Variants in RIMBP2 observed in about 807,000 individuals in gnomAD.
RIMBP2 encodes the protein RIMS-binding protein 2.
A neutral mutation model predicts 118.6 loss-of-function variants in RIMBP2; 48 were observed. That is an observed-to-expected ratio of 0.40 (90% confidence interval 0.32 to 0.51). RIMBP2 has a LOEUF of 0.51. RIMBP2 is among the 20% of genes least tolerant of loss of function. RIMBP2 has a pLI of 0.41. For missense variants in RIMBP2, 1,551 were observed against 1,768.3 expected (o/e 0.88, Z 2.20); for synonymous variants, 762 against 742.9 (o/e 1.03, Z -0.42).
chr12:130,431,286 G>A lies in RIMBP2; in HGVS notation c.2254-2949C>T, dbSNP rs949746397. 2.0e-5 allele frequency among the ~76,000 whole-genome samples: 3 copies of A among 152,122 alleles called. No homozygotes were observed. Among genetic ancestry groups the A allele is most frequent in the African/African-American group, 7.2e-5 (3 of 41,420 alleles). Reference sequence around the variant, plus strand: ...GAACATCGGTGTCTTGGAGCAGATGGGATAGCGCCAGGGGGTAAGGGCTCA... The same window carrying A: ...GAACATCGGTGTCTTGGAGCAGATGAGATAGCGCCAGGGGGTAAGGGCTCA... On this transcript the variant is annotated intron_variant, in intron 14 of 22. Coordinates refer to ENST00000690449, the MANE Select transcript of RIMBP2 (RefSeq NM_001393629.1). This position sits in a 1 kb window ranked among gnomAD's most constrained non-coding sequence, Gnocchi z 4.0.
At chr12:130,641,533 G>A (rs1181222700) in intron 1 of RIMBP2, among the ~76,000 whole-genome samples, 1 of 152,198 alleles carries the variant, frequency 6.6e-6, no homozygotes, top group Non-Finnish European at 1.5e-5. Flanking sequence ...TTAGGATGGT[G>A]ACTGCAGCGC....
intron 4 of RIMBP2, among the ~76,000 whole-genome samples, chr12:130,498,671 G>A (rs908305919): frequency 4.1e-5 from 6 of 146,684 alleles, no homozygotes; most frequent in African/African-American, 7.5e-5. Flanking sequence ...CAGGAAATCC[G>A]AGCTAGCCTG....
intron 2 of RIMBP2, among the ~76,000 whole-genome samples, chr12:130,572,990 G>A (rs1315743209): frequency 6.6e-5 from 10 of 152,132 alleles, no homozygotes; most frequent in Non-Finnish European, 1.5e-4. Flanking sequence ...GCAGCTGCGA[G>A]TGACGAAGCC....
intron 7 of RIMBP2, among the ~76,000 whole-genome samples, chr12:130,451,692 T>C (rs1177609607): frequency 6.6e-6 from 1 of 151,546 alleles, no homozygotes; most frequent in Non-Finnish European, 1.5e-5. Context: ...GCCGCAAACC[T>C]CCTGCACCTG....
intron 2 of RIMBP2, among the ~76,000 whole-genome samples, chr12:130,564,051 CCTCTCTCTGTCCCCTCT>C (rs2139942736): frequency 7.0e-6 from 1 of 143,380 alleles, no homozygotes; most frequent in East Asian, 2.2e-4. Flanking sequence ...GGCCCTTGCA[CCTCTCTCTGTCCCCTCT>C]TCCTCTTCTC....
intron 2 of RIMBP2, among the ~76,000 whole-genome samples, chr12:130,616,114 C>G (rs1022196253): frequency 6.6e-6 from 1 of 152,132 alleles, no homozygotes; most frequent in Non-Finnish European, 1.5e-5. Flanking sequence ...GAAGGGATGT[C>G]TGATGTTACA....
chr12:130,599,027 T>C lies in RIMBP2; in HGVS notation c.-217+29295A>G, dbSNP rs76458969. On this transcript the variant is annotated intron_variant, in intron 2 of 22. Transcript: ENST00000690449. The stretch of plus-strand genomic sequence containing the variant: ...AAGTTACAACTGATTTTAACAAAGA[T>C]GCAAAGAGAATTTGATGGAGAAAGA... Among the ~76,000 whole-genome samples the C allele has an allele frequency of 6.3e-3, 958 of 152,268 alleles. 12 individuals carry two copies. Among genetic ancestry groups the C allele is most frequent in the African/African-American group, 0.022 (908 of 41,546 alleles).
chr12:130,648,010 C>T (rs937305949), intron 1 of RIMBP2, among the ~76,000 whole-genome samples: 1 of 146,492 alleles, frequency 6.8e-6, no homozygotes, highest in Non-Finnish European at 1.5e-5. Context: ...CACACGTGTG[C>T]ACACACATGT....
intron 6 of RIMBP2, among the ~76,000 whole-genome samples, chr12:130,463,366 C>T (rs996417998): frequency 8.5e-5 from 13 of 152,162 alleles, no homozygotes; most frequent in African/African-American, 2.4e-4. Context: ...CAACTGAGTC[C>T]GGACCAGGCA....
At chr12:130,433,652 G>A (rs760834725) in intron 14 of RIMBP2, among the ~76,000 whole-genome samples, 2 of 152,182 alleles carry the variant, frequency 1.3e-5, no homozygotes, top group African/African-American at 2.4e-5. Context: ...TCTGCTCAGC[G>A]AGATGTCATA....
rs556449729 is a variant in RIMBP2 at position 130,709,805 on chromosome 12, G to A, written c.-352+6417C>T. On this transcript the variant is annotated intron_variant, in intron 1 of 22. Transcript: ENST00000690449. Reference sequence around the variant, plus strand: ...ACACACTGGGTGTGGCACCAGGAGCGTTTAATCAGAGGAACCTGTACCAAC... The same window carrying A: ...ACACACTGGGTGTGGCACCAGGAGCATTTAATCAGAGGAACCTGTACCAAC... 4.6e-5 allele frequency among the ~76,000 whole-genome samples: 7 copies of A among 151,896 alleles called. No individual in the cohort carries two copies. The East Asian group carries it at 7.9e-4, about 17-fold the overall frequency.
At chr12:130,439,177 G>A (rs1359162735) in intron 11 of RIMBP2, among the ~76,000 whole-genome samples, 3 of 133,058 alleles carry the variant, frequency 2.3e-5, no homozygotes, top group Non-Finnish European at 3.5e-5. Flanking sequence ...GTATGTATGG[G>A]TGTATGTGTG....
intron 2 of RIMBP2, among the ~76,000 whole-genome samples, chr12:130,594,351 C>G (rs1013282124): frequency 6.6e-6 from 1 of 152,128 alleles, no homozygotes; most frequent in African/African-American, 2.4e-5. Context: ...GGATTATGAC[C>G]AGTATTTTGT....
At chr12:130,619,116 A>G (rs2061142306) in intron 2 of RIMBP2, among the ~76,000 whole-genome samples, 1 of 152,232 alleles carries the variant, frequency 6.6e-6, no homozygotes, top group South Asian at 2.1e-4. Flanking sequence ...CCATTATGTT[A>G]GTGTTAATTA....
rs530336860 is a variant in RIMBP2, at chr12:130,538,957, G to T, written c.-216-21040C>A. The stretch of plus-strand genomic sequence containing the variant: ...GGCAGGGTGGGCCTGAGGGTGCTAA[G>T]GGTGGTAAAACTGCAGGGCATGTCC... On this transcript the variant is annotated intron_variant, in intron 2 of 22. Coordinates refer to ENST00000690449, the MANE Select transcript of RIMBP2 (RefSeq NM_001393629.1). Among the ~76,000 whole-genome samples the T allele has an allele frequency of 1.8e-3, 272 of 152,302 alleles. 2 individuals are homozygous for T. Among genetic ancestry groups the T allele is most frequent in the African/African-American group, 6.3e-3 (262 of 41,572 alleles).
At chr12:130,584,257 C>T (rs796880705) in intron 2 of RIMBP2, among the ~76,000 whole-genome samples, 8 of 46,784 alleles carry the variant, frequency 1.7e-4, no homozygotes, top group Non-Finnish European at 2.7e-4. Context: ...CATCACCTCA[C>T]CACCATCACC....
At chr12:130,633,695 C>G (rs891803078) in intron 1 of RIMBP2, 1 of 152,228 alleles carries the variant, frequency 6.6e-6, no homozygotes, top group Non-Finnish European at 1.5e-5. Flanking sequence ...AGAAAACAAC[C>G]CTTGCTCTAC....
chr12:130,569,772 G>C (rs544634457), intron 2 of RIMBP2, among the ~76,000 whole-genome samples: 71 of 152,252 alleles, frequency 4.7e-4, no homozygotes, highest in South Asian at 2.3e-3. Context: ...GGCCTCCCCA[G>C]CCATGCTTCC....
At chr12:130,574,146 A>G (rs1018887361) in intron 2 of RIMBP2, among the ~76,000 whole-genome samples, 5 of 152,222 alleles carry the variant, frequency 3.3e-5, no homozygotes, top group Admixed American at 3.3e-4. Context: ...GGAAATCTAA[A>G]TGAGAAAAAA....
Sources: allele counts gnomAD v4.1 joint callset (sites outside exome capture counted in the v4.1 genomes callset), GRCh38; gene constraint gnomAD v4.1.1; non-coding constraint Gnocchi (gnomAD v3.1); transcripts MANE v1.5; gene names NCBI Gene and HGNC (gene_info 2026-07-23, HGNC 2026-07-21).